FAT2: variants seen among roughly 807,000 people sequenced by gnomAD.
FAT2 encodes the protein FAT atypical cadherin 2.
FAT2 carries 150 observed loss-of-function variants against 295.3 expected under a neutral mutation model. The ratio of observed to expected loss-of-function variants is 0.51; its 90% CI spans 0.44 to 0.58. The LOEUF (loss-of-function observed/expected upper bound fraction) is 0.58, where lower values mean the gene tolerates loss of function less well. Ranked by LOEUF, FAT2 falls within the 20% of genes least tolerant of loss-of-function variation. The probability of loss-of-function intolerance (pLI) is 0.00; values close to 1 mark genes in which losing one functional copy is unlikely to be tolerated. For missense variants in FAT2, 4,868 were observed against 5,442.7 expected (o/e 0.89, Z 3.32); for synonymous variants, 2,026 against 2,150.3 (o/e 0.94, Z 1.60).
At chr5:151,522,416 T>G (rs1177570021) in intron 18 of FAT2, among the ~76,000 whole-genome samples, 1 of 152,184 alleles carries the variant, frequency 6.6e-6, no homozygotes, top group East Asian at 1.9e-4. Context: ...CTCATGAAGT[T>G]TCTCATTCTG....
At position 151,568,271 on chromosome 5, in the gene FAT2, C is replaced by T. The variant is rs771658642; in HGVS notation, c.661G>A (p.Val221Met). The change falls in exon 2 of 24, where the codon GTG becomes ATG. Residue 221 changes from valine (V) to methionine (M), a missense_variant. Around this residue, in one of 5 missense-constraint regions of FAT2, gnomAD observed 3,297 missense variants for 3,669.4 expected, o/e 0.90. Transcript: ENST00000261800. ...TTCCGCATGCGGTCCACAGCTAGCA[C>T]CTGGAGCTCATGCTTTCCTCGCCAG... ...VTWRGKHELQVLAVDRMRKIS... is the reference protein window; with the variant it reads ...VTWRGKHELQMLAVDRMRKIS... 6.2e-7 allele frequency: 1 copy of T among 1,614,220 alleles called. No individual in the cohort carries two copies.
chr5:151,524,960 T>C (rs1451413940), intron 18 of FAT2, among the ~76,000 whole-genome samples: 1 of 152,266 alleles, frequency 6.6e-6, no homozygotes, highest in Non-Finnish European at 1.5e-5. Flanking sequence ...GTAAAGATGT[T>C]ATTTCTTTCT....
At chr5:151,535,649 C>T (rs957232647) in intron 12 of FAT2, among the ~76,000 whole-genome samples, 2 of 152,134 alleles carry the variant, frequency 1.3e-5, no homozygotes, top group African/African-American at 2.4e-5. Flanking sequence ...ACAAATTAAT[C>T]GAACCCAAAG....
intron 12 of FAT2, 28 bp downstream of exon 12, chr5:151,537,765 T>G: frequency 3.8e-6 from 6 of 1,595,558 alleles, no homozygotes; most frequent in Non-Finnish European, 5.1e-6. Context: ...GAAGTTCTTG[T>G]TTTGATCCTG....
At position 151,565,829 on chromosome 5, in the gene FAT2, A is replaced by G. The variant is rs1344862139; in HGVS notation, c.3103T>C (p.Phe1035Leu). Residue 1035 changes from phenylalanine to leucine, a missense_variant, in exon 2 of 24, where the codon TTC (phenylalanine) becomes CTC (leucine). Around this residue, in one of 5 missense-constraint regions of FAT2, gnomAD observed 3,297 missense variants for 3,669.4 expected, o/e 0.90. Coordinates refer to ENST00000261800, the MANE Select transcript of FAT2 (RefSeq NM_001447.3). ...TCCTGCACCTGGCCCTGGTGCACGAAGGAGGCAAAGTGGGGAGGGTGGAGA... is the reference window on the plus strand; with the variant it reads ...TCCTGCACCTGGCCCTGGTGCACGAGGGAGGCAAAGTGGGGAGGGTGGAGA... ...ENLHPPHFAS[F>L]VHQGQVQENS... 6.2e-7 allele frequency: 1 copy of G among 1,614,164 alleles called. No homozygotes were observed. Among genetic ancestry groups the G allele is most frequent in the Non-Finnish European group, 8.5e-7 (1 of 1,180,020 alleles).
Position 151,534,505 on chromosome 5 carries a change from G to T in FAT2, c.9331C>A (p.Pro3111Thr), listed in dbSNP as rs1755017735. The change falls in exon 13 of 24, where the codon CCG becomes ACG. Residue 3111 changes from proline to threonine, a missense_variant. Transcript: ENST00000261800. ...LHVEDVNDNA[P>T]RFFPSHCAVA... Reference sequence around the variant, plus strand: ...GCACAGTGGCTGGGGAAGAACCGCGGGGCATTGTCATTCACATCCTCCACA... The same window carrying T: ...GCACAGTGGCTGGGGAAGAACCGCGTGGCATTGTCATTCACATCCTCCACA... 6.2e-7 allele frequency: 1 copy of T among 1,613,930 alleles called. No individual in the cohort carries two copies. Among genetic ancestry groups the T allele is most frequent in the Non-Finnish European group, 8.5e-7 (1 of 1,180,032 alleles).
intron 11 of FAT2, among the ~76,000 whole-genome samples, chr5:151,538,654 C>G (rs758886776): frequency 6.6e-6 from 1 of 152,050 alleles, no homozygotes; most frequent in Admixed American, 6.5e-5. Context: ...CCCTACATGC[C>G]CTGGATGGAA....
chr5:151,547,654 A>G (rs1756768294), intron 9 of FAT2, among the ~76,000 whole-genome samples: 1 of 152,234 alleles, frequency 6.6e-6, no homozygotes, highest in Non-Finnish European at 1.5e-5. Context: ...GTCAAAGAAC[A>G]TGGTTTTAAT....
intron 3 of FAT2, among the ~76,000 whole-genome samples, chr5:151,559,864 T>C (rs1031031666): frequency 1.3e-5 from 2 of 152,100 alleles, no homozygotes; most frequent in African/African-American, 4.8e-5. Context: ...CTGAATAGAA[T>C]GGGGACATAG....
Position 151,542,889 on chromosome 5 carries a change from TG to T in FAT2, c.8237del (p.Thr2746LysfsTer4). 6.2e-7 allele frequency: 1 copy of T among 1,614,214 alleles called. No individual in the cohort carries two copies. Among genetic ancestry groups the T allele is most frequent in the Non-Finnish European group, 8.5e-7 (1 of 1,180,040 alleles). ...KDGVFSLDPDTGVIKVRKPMD... is the reference protein window; with the variant it reads ...KDGVFSLDPDXGVIKVRKPMD... ...TGGGCTTCCTCACCTTTATGACCCC[TG>T]TGTCTGGGTCTAGGGAGAAGACACC... On this transcript the variant is annotated frameshift_variant, in exon 10 of 24. Transcript: ENST00000261800. LOFTEE classifies it high-confidence loss of function.
Position 151,528,107 on chromosome 5 carries a change from G to T in FAT2, c.10053C>A (p.Pro3351=). Residue 3351 remains proline (P), a synonymous_variant, in exon 16 of 24, where the codon CCC becomes CCA. Coordinates refer to ENST00000261800, the MANE Select transcript of FAT2 (RefSeq NM_001447.3). ...GGCTATAGGTAATGTCACTATTTAGGGGTCCATCTTCATCAGTCGCTGATA... is the reference window on the plus strand; with the variant it reads ...GGCTATAGGTAATGTCACTATTTAGTGGTCCATCTTCATCAGTCGCTGATA... The part of the protein sequence containing the change: ...LTVSATDEDG[P]LNSDITYSLI... The T allele has an allele frequency of 6.2e-7, 1 of 1,614,094 alleles. No individual in the cohort carries two copies. The highest frequency in any genetic ancestry group is 8.5e-7 in the Non-Finnish European group (1 of 1,179,990).
intron 18 of FAT2, 60 bp downstream of exon 18, chr5:151,525,708 C>G: frequency 6.3e-7 from 1 of 1,590,550 alleles, no homozygotes; most frequent in Non-Finnish European, 8.6e-7. Flanking sequence ...ACTGGTGGGG[C>G]TTTTGCCAGC....
rs114604789 is a variant in FAT2, at chr5:151,548,207, A to G, written c.4789+1088T>C. Reference sequence around the variant, plus strand: ...CTACTGTATAAGCTACTGACATGCAATAAATGAACATTAGGTCTTGTGAGG... The same window carrying G: ...CTACTGTATAAGCTACTGACATGCAGTAAATGAACATTAGGTCTTGTGAGG... On this transcript the variant is annotated intron_variant, in intron 9 of 23. Coordinates refer to ENST00000261800, the MANE Select transcript of FAT2 (RefSeq NM_001447.3). 7.1e-3 allele frequency among the ~76,000 whole-genome samples: 1,080 copies of G among 152,250 alleles called. 12 individuals carry two copies. Among genetic ancestry groups the G allele is most frequent in the African/African-American group, 0.025 (1,029 of 41,550 alleles).
intron 1 of FAT2, among the ~76,000 whole-genome samples, chr5:151,580,500 A>G (rs1758905260): frequency 6.6e-6 from 1 of 152,206 alleles, no homozygotes; most frequent in Non-Finnish European, 1.5e-5. Context: ...CTCAAAAAAT[A>G]TGTGTAGAAT....
At chr5:151,565,647 A>ACGCCCCCCCC in intron 2 of FAT2, 26 bp downstream of exon 2, 6 of 1,461,022 alleles carry the variant, frequency 4.1e-6, no homozygotes, top group Admixed American at 2.0e-5. Context: ...TGGCCCTGGC[A>ACGCCCCCCCC]CCCCACCCTA....
rs61743253 is a variant in FAT2, at chr5:151,567,829, C to T, written c.1103G>A (p.Arg368Lys). The change falls in exon 2 of 24, where the codon AGA (arginine) becomes AAA (lysine). Residue 368 changes from arginine (R) to lysine (K), a missense_variant. By Grantham distance (26) the Arg-to-Lys change is conservative (BLOSUM62 2). Coordinates refer to ENST00000261800, the MANE Select transcript of FAT2 (RefSeq NM_001447.3). Reference protein sequence around the residue: ...SSLKFEKAVYRVQLSEFSPPG... With the variant: ...SSLKFEKAVYKVQLSEFSPPG... ...AGGGGAAAACTCACTAAGCTGCACT[C>T]TGTAAACAGCCTTCTCGAATTTGAG... 8.5e-4 allele frequency: 1,379 copies of T among 1,614,146 alleles called. 7 individuals carry two copies. The Middle Eastern group carries it at 0.014, about 16-fold the overall frequency.
At chr5:151,562,199 ATCC>A (rs1258039357) in intron 3 of FAT2, among the ~76,000 whole-genome samples, 1 of 152,192 alleles carries the variant, frequency 6.6e-6, no homozygotes, top group Non-Finnish European at 1.5e-5. Context: ...TCCCAGCGTC[ATCC>A]TCCTCCTGGT....
upstream of FAT2, among the ~76,000 whole-genome samples, chr5:151,592,287 C>T (rs11948904): frequency 0.48 from 73,610 of 151,968 alleles, 18,093 homozygotes; most frequent in African/African-American, 0.52. Flanking sequence ...TTTGTTTGCT[C>T]GTTTTGTATG....
At chr5:151,580,531 A>G (rs563691014) in intron 1 of FAT2, among the ~76,000 whole-genome samples, 8 of 152,350 alleles carry the variant, frequency 5.3e-5, no homozygotes, top group African/African-American at 1.9e-4. Flanking sequence ...TTTTCTGTAC[A>G]TGTGCGGACT....
Sources: gnomAD v4.1 joint callset for allele counts (sites outside exome capture counted in the v4.1 genomes callset) on GRCh38, gnomAD v4.1.1 for gene constraint, gnomAD v4.1.1 regional missense constraint, MANE v1.5 for transcripts, NCBI Gene and HGNC (gene_info 2026-07-23, HGNC 2026-07-21) for gene names.